The following RBM43 variants were observed in gnomAD, a reference collection of about 807,000 sequenced individuals.
RBM43 encodes the protein RNA-binding protein 43.
In RBM43, 12 loss-of-function variants were observed where a neutral mutation model predicts 12.4. The observed-to-expected ratio is 0.97, with a 90% CI of 0.62 to 1.57. The LOEUF (loss-of-function observed/expected upper bound fraction) is 1.57. Ranked by LOEUF, RBM43 falls within the 40% of genes most tolerant of loss-of-function variation. The pLI is 0.00. For synonymous variants in RBM43, 138 were observed against 145.7 expected, an observed-to-expected ratio of 0.95 and a Z score of 0.38; for missense variants, 348 against 400.1, an observed-to-expected ratio of 0.87 and a Z score of 1.11.
At chr2:151,253,887 C>T (rs1480072123) in intron 2 of RBM43, among the ~76,000 whole-genome samples, 1 of 151,932 alleles carries the variant, frequency 6.6e-6, no homozygotes, top group Non-Finnish European at 1.5e-5. Flanking sequence ...ATTACCAGTC[C>T]CTCCCTTGGC....
chr2:151,261,612 C>T, intron 1 of RBM43, 113 bp downstream of exon 1: 1 of 1,539,464 alleles, frequency 6.5e-7, no homozygotes, highest in Non-Finnish European at 8.8e-7. Flanking sequence ...CGCCCCCTCC[C>T]GCGCAGCCCT....
In RBM43 at chr2:151,251,951, C is replaced by CA. The variant is rs531950712; in HGVS notation, c.316-288dup. On this transcript the variant is annotated intron_variant, in intron 3 of 3. Coordinates refer to ENST00000331426, the MANE Select transcript of RBM43 (RefSeq NM_198557.3). ...GAAACAGTTTTATGCAGAACCAATA[C>CA]ATACAAACTGTTCTGGTTCTGCTTG... is the stretch of plus-strand genomic sequence containing the variant. Among the ~76,000 whole-genome samples, 58 of 152,292 alleles carry CA rather than the reference C, an allele frequency of 3.8e-4. No homozygotes were observed. The South Asian group carries it at 0.012, about 30-fold the overall frequency.
intron 1 of RBM43, among the ~76,000 whole-genome samples, chr2:151,258,923 ACC>A (rs1683009722): frequency 6.6e-6 from 1 of 152,118 alleles, no homozygotes; most frequent in Non-Finnish European, 1.5e-5. Context: ...CGGGCAGATC[ACC>A]TAAGGTCAGG....
Position 151,251,107 on chromosome 2 carries a change from A to G in RBM43, c.873T>C (p.Leu291=), listed in dbSNP as rs762622704. Residue 291 remains leucine (L), a synonymous_variant, in exon 4 of 4, where the codon CTT becomes CTC. Coordinates refer to ENST00000331426, the MANE Select transcript of RBM43 (RefSeq NM_198557.3). ...CTTCCAAAATAAATGTCTCTTTTCTAAGCTTTAAGTAAAGAGCATGTGACC... is the reference window on the plus strand; with the variant it reads ...CTTCCAAAATAAATGTCTCTTTTCTGAGCTTTAAGTAAAGAGCATGTGACC... ...EEWSHALYLK[L]RKETFILEGK... 6.2e-7 allele frequency: 1 copy of G among 1,613,052 alleles called. No individual in the cohort carries two copies. The highest frequency in any genetic ancestry group is 1.1e-5 in the South Asian group (1 of 91,016).
chr2:151,250,175 T>G lies in RBM43; in HGVS notation c.*731A>C, dbSNP rs1216529601. 1 of 152,206 alleles carries G rather than the reference T, an allele frequency of 6.6e-6. No homozygotes were observed. 9.4% of individuals were successfully genotyped at this position (152,206 alleles called of 1,614,324 possible). A position where few individuals can be genotyped will look rare whatever the true frequency, so the allele number is the denominator to read the frequency against. On this transcript the variant is annotated 3_prime_UTR_variant, in exon 4 of 4. Coordinates refer to ENST00000331426, the MANE Select transcript of RBM43 (RefSeq NM_198557.3). ...AATTCTACACGGAGTAAACACAAAC[T>G]GTAAATGTTAAGAAATTGCCCATGG...
At chr2:151,259,279 A>G (rs1309563285) in intron 1 of RBM43, among the ~76,000 whole-genome samples, 2 of 152,238 alleles carry the variant, frequency 1.3e-5, no homozygotes, top group African/African-American at 4.8e-5. Context: ...ATAGCACACT[A>G]TTGGGACCTG....
At chr2:151,257,898 C>T (rs767112782) in intron 1 of RBM43, among the ~76,000 whole-genome samples, 2 of 151,316 alleles carry the variant, frequency 1.3e-5, no homozygotes, top group African/African-American at 2.4e-5. Context: ...GGTGAAATGC[C>T]GTCTCTACTA....
intron 1 of RBM43, among the ~76,000 whole-genome samples, chr2:151,259,432 A>G (rs1683017857): frequency 6.6e-6 from 1 of 151,930 alleles, no homozygotes; most frequent in African/African-American, 2.4e-5. Context: ...GATCACTTGA[A>G]GTCAGGAGTT....
chr2:151,251,775 C>T, intron 3 of RBM43, 111 bp from the exon 4 acceptor site: 1 of 1,034,526 alleles, frequency 9.7e-7, no homozygotes. Flanking sequence ...ATAAACCAGG[C>T]CCCAGTTGCC....
chr2:151,257,332 A>AC (rs1682988113), intron 1 of RBM43, among the ~76,000 whole-genome samples: 6 of 150,908 alleles, frequency 4.0e-5, no homozygotes, highest in African/African-American at 1.5e-4. Flanking sequence ...ACACACACAC[A>AC]AACACACACA....
At position 151,261,732 on chromosome 2, in the gene RBM43, G is replaced by C. The variant is rs1379326508; in HGVS notation, c.-5C>G. Reference sequence around the variant, plus strand: ...AAAGCAAAAGCAACTTGCCATGGCGGAGGGGAGACGCGCCCTCAGCGGCCG... The same window carrying C: ...AAAGCAAAAGCAACTTGCCATGGCGCAGGGGAGACGCGCCCTCAGCGGCCG... On this transcript the variant is annotated 5_prime_UTR_variant, in exon 1 of 4. Coordinates refer to ENST00000331426, the MANE Select transcript of RBM43 (RefSeq NM_198557.3). 1 of 1,602,626 alleles carries C rather than the reference G, an allele frequency of 6.2e-7. No individual in the cohort carries two copies. The highest frequency in any genetic ancestry group is 8.5e-7 in the Non-Finnish European group (1 of 1,175,044).
chr2:151,251,130 A>T lies in RBM43; in HGVS notation c.850T>A (p.Ser284Thr). 1 of 1,613,572 alleles carries T rather than the reference A, an allele frequency of 6.2e-7. No homozygotes were observed. Among genetic ancestry groups the T allele is most frequent in the Non-Finnish European group, 8.5e-7 (1 of 1,179,670 alleles). ...CTAAGCTTTAAGTAAAGAGCATGTG[A>T]CCATTCCTCAATGAGCTCTTTTACA... is the stretch of plus-strand genomic sequence containing the variant. ...KHVKELIEEWSHALYLKLRKE... is the reference protein window; with the variant it reads ...KHVKELIEEWTHALYLKLRKE... Residue 284 changes from serine (S) to threonine (T), a missense_variant, in exon 4 of 4, where the codon TCA becomes ACA. Coordinates refer to ENST00000331426, the MANE Select transcript of RBM43 (RefSeq NM_198557.3).
rs192996010 is a variant in RBM43 at position 151,253,544 on chromosome 2, T to C, written c.215-689A>G. Among the ~76,000 whole-genome samples the C allele has an allele frequency of 1.4e-4, 22 of 152,294 alleles. No individual in the cohort carries two copies. In the East Asian group the frequency reaches 4.0e-3, roughly 28 times the overall value. Reference sequence around the variant, plus strand: ...GAAAATGATATTTAATCCATCAACATGTCCCGAATACCCACCAGTTCTTAT... The same window carrying C: ...GAAAATGATATTTAATCCATCAACACGTCCCGAATACCCACCAGTTCTTAT... On this transcript the variant is annotated intron_variant, in intron 2 of 3. Coordinates refer to ENST00000331426, the MANE Select transcript of RBM43 (RefSeq NM_198557.3).
intron 1 of RBM43, chr2:151,261,387 G>T: frequency 1.3e-6 from 2 of 1,550,612 alleles, no homozygotes; most frequent in Non-Finnish European, 1.7e-6. Context: ...GCTCCTCGAC[G>T]AACGGCGGCG....
In RBM43 at chr2:151,249,350, T is replaced by C. The variant is rs1318307215; in HGVS notation, c.*1556A>G. 6.7e-6 allele frequency: 1 copy of C among 149,906 alleles called. No homozygotes were observed. Among genetic ancestry groups the C allele is most frequent in the Non-Finnish European group, 1.5e-5 (1 of 67,644 alleles). The allele number at this position is 149,906 out of a possible 1,614,324, so 9.3% of individuals were successfully genotyped here. Reference sequence around the variant, plus strand: ...GAAGGTTGAGGGTTTTATTTAAAACTAAGAATGTTACTTGTGGTCTTTCTT... The same window carrying C: ...GAAGGTTGAGGGTTTTATTTAAAACCAAGAATGTTACTTGTGGTCTTTCTT... On this transcript the variant is annotated 3_prime_UTR_variant, in exon 4 of 4. Coordinates refer to ENST00000331426, the MANE Select transcript of RBM43 (RefSeq NM_198557.3).
chr2:151,259,863 TTTTG>T (rs147960970), intron 1 of RBM43, among the ~76,000 whole-genome samples: 19,418 of 151,692 alleles, frequency 0.13, 1,358 homozygotes, highest in South Asian at 0.18. Flanking sequence ...TTTTCTTGTT[TTTTG>T]TTTGTTTGTT....
In RBM43 at chr2:151,250,824, G is replaced by A. The variant is rs1274224868; in HGVS notation, c.*82C>T. 4 of 959,302 alleles carry A rather than the reference G, an allele frequency of 4.2e-6. No individual in the cohort carries two copies. The highest frequency in any genetic ancestry group is 4.8e-5 in the East Asian group (2 of 41,610). The allele number at this position is 959,302 out of a possible 1,614,324, so 59.4% of individuals were successfully genotyped here. Reference sequence around the variant, plus strand: ...ACTATAAGGATTCATGAGATACGGTGTGTAAAGCTAGCCTCATTCATGGCA... The same window carrying A: ...ACTATAAGGATTCATGAGATACGGTATGTAAAGCTAGCCTCATTCATGGCA... On this transcript the variant is annotated 3_prime_UTR_variant, in exon 4 of 4. Coordinates refer to ENST00000331426, the MANE Select transcript of RBM43 (RefSeq NM_198557.3).
Position 151,250,615 on chromosome 2 carries a change from A to T in RBM43, c.*291T>A. The T allele has an allele frequency of 4.5e-6, 1 of 220,808 alleles. No individual in the cohort carries two copies. 13.7% of individuals were successfully genotyped at this position (220,808 alleles called of 1,614,324 possible). ...CTCCATCTCAAAAAAAAAAAAAAAA[A>T]AGTTTGGTGAGTTTTTTTCAAAGTT... On this transcript the variant is annotated 3_prime_UTR_variant, in exon 4 of 4. Coordinates refer to ENST00000331426, the MANE Select transcript of RBM43 (RefSeq NM_198557.3).
At chr2:151,256,150 C>T (rs1156470264) in intron 1 of RBM43, among the ~76,000 whole-genome samples, 2 of 152,084 alleles carry the variant, frequency 1.3e-5, no homozygotes, top group Admixed American at 6.5e-5. Flanking sequence ...TTAGTAGACA[C>T]GAGGTTTCAC....
Sources: allele counts gnomAD v4.1 joint callset (sites outside exome capture counted in the v4.1 genomes callset), GRCh38; gene constraint gnomAD v4.1.1; transcripts MANE v1.5; gene names NCBI Gene and HGNC (gene_info 2026-07-23, HGNC 2026-07-21).